The following ASPH variants were observed in gnomAD, a reference collection of about 807,000 sequenced individuals.
ASPH encodes aspartyl/asparaginyl beta-hydroxylase.
Under a neutral mutation model 118.4 loss-of-function variants are expected in ASPH, and 100 were observed. The observed-to-expected ratio is 0.84, with a 90% CI of 0.72 to 1.00. The LOEUF is 1.00. ASPH is among the 50% of genes least tolerant of loss of function. The pLI, the probability that ASPH is intolerant of heterozygous loss-of-function variation, is 0.00. For synonymous variants in ASPH, 315 were observed against 325.6 expected (o/e 0.97, Z 0.35); for missense variants, 920 against 919.5 (o/e 1.00, Z -0.01).
chr8:61,568,609 A>C (rs1192270846), intron 16 of ASPH, among the ~76,000 whole-genome samples: 1 of 152,180 alleles, frequency 6.6e-6, no homozygotes, highest in Middle Eastern at 3.2e-3. Flanking sequence ...GGGAGGTCAG[A>C]GTAAGAGAAG....
intron 14 of ASPH, among the ~76,000 whole-genome samples, chr8:61,604,363 G>GA (rs1296484055): frequency 2.6e-5 from 4 of 151,508 alleles, no homozygotes; most frequent in Admixed American, 6.6e-5. Flanking sequence ...TTTTAGGGAG[G>GA]AAAAAAAGAC....
chr8:61,664,618 T>G (rs1588899426), intron 3 of ASPH: 2 of 978,926 alleles, frequency 2.0e-6, no homozygotes, highest in Admixed American at 6.5e-5. Context: ...AGGTGAGGAG[T>G]GAAGGAAAGG....
chr8:61,512,611 T>A (rs1399432485), intron 24 of ASPH, among the ~76,000 whole-genome samples: 1 of 152,204 alleles, frequency 6.6e-6, no homozygotes, highest in Non-Finnish European at 1.5e-5. Context: ...TAATTTGTTG[T>A]GGCAGCCTTA....
At chr8:61,641,840 T>C (rs1805269429) in intron 10 of ASPH, among the ~76,000 whole-genome samples, 1 of 152,216 alleles carries the variant, frequency 6.6e-6, no homozygotes, top group Non-Finnish European at 1.5e-5. Flanking sequence ...TCAATTACGA[T>C]GTATTTCTTC....
At chr8:61,526,251 C>T in intron 21 of ASPH, 139 bp from the exon 22 acceptor site, 1 of 1,207,768 alleles carries the variant, frequency 8.3e-7, no homozygotes, top group Non-Finnish European at 1.1e-6. Context: ...TTTCAATTTC[C>T]TCTGGGACTT....
Position 61,629,096 on chromosome 8 carries a change from AC to A in ASPH, c.934+4586del, listed in dbSNP as rs139784617. On this transcript the variant is annotated intron_variant, in intron 13 of 24. Transcript: ENST00000379454. ...TTCTGGATGGATGCAATGGAGTGAA[AC>A]CACTACCAATGCTGGAATACTCAGC... is the stretch of plus-strand genomic sequence containing the variant. Among the ~76,000 whole-genome samples the A allele has an allele frequency of 2.0e-3, 306 of 152,248 alleles. 1 individual carries two copies. Among genetic ancestry groups the A allele is most frequent in the African/African-American group, 6.9e-3 (288 of 41,554 alleles).
intron 15 of ASPH, among the ~76,000 whole-genome samples, chr8:61,577,779 GA>G (rs1835861140): frequency 6.6e-6 from 1 of 152,136 alleles, no homozygotes; most frequent in Non-Finnish European, 1.5e-5. Context: ...CGGCATGGGG[GA>G]AACTGCCCCC....
At chr8:61,707,760 G>A (rs1449601628) in intron 1 of ASPH, among the ~76,000 whole-genome samples, 1 of 152,030 alleles carries the variant, frequency 6.6e-6, no homozygotes, top group Non-Finnish European at 1.5e-5. Flanking sequence ...TAAAGAACTG[G>A]AGTTTGGAGG....
At chr8:61,523,968 T>G (rs1220006060) in intron 22 of ASPH, among the ~76,000 whole-genome samples, 1 of 152,180 alleles carries the variant, frequency 6.6e-6, no homozygotes, top group African/African-American at 2.4e-5. Context: ...GACGCACACA[T>G]GTAGTCCTAG....
chr8:61,503,460 C>T lies in ASPH; in HGVS notation c.2176G>A (p.Glu726Lys), dbSNP rs1338898133. 10 of 1,612,948 alleles carry T rather than the reference C, an allele frequency of 6.2e-6. No homozygotes were observed. In the East Asian group the frequency reaches 8.9e-5, roughly 14 times the overall value. ...AAAGATGAGGCATCCTGCCATACCTCGTGCTCAAAGGAGTCATCAAAGATG... is the reference window on the plus strand; with the variant it reads ...AAAGATGAGGCATCCTGCCATACCTTGTGCTCAAAGGAGTCATCAAAGATG... The part of the protein sequence containing the change: ...VLIFDDSFEH[E>K]VWQDASSFRL... The change falls in exon 25 of 25, where the codon GAG (glutamate) becomes AAG (lysine). Residue 726 changes from glutamate to lysine, a missense_variant. By Grantham distance (56) the Glu-to-Lys change is moderately conservative. Coordinates refer to ENST00000379454, the MANE Select transcript of ASPH (RefSeq NM_004318.4).
At chr8:61,624,787 T>TA (rs1022362917) in intron 13 of ASPH, 6 of 985,600 alleles carry the variant, frequency 6.1e-6, no homozygotes, top group South Asian at 9.4e-5. Flanking sequence ...TTAGTTTCCC[T>TA]AAAAAAATAT....
At chr8:61,635,960 A>G (rs1211530569) in intron 12 of ASPH, among the ~76,000 whole-genome samples, 2 of 152,226 alleles carry the variant, frequency 1.3e-5, no homozygotes, top group South Asian at 2.1e-4. Context: ...AAGAATTTTC[A>G]TAATTCACAC....
chr8:61,701,613 A>G (rs1407799050), intron 1 of ASPH, among the ~76,000 whole-genome samples: 1 of 152,218 alleles, frequency 6.6e-6, no homozygotes, highest in Non-Finnish European at 1.5e-5. Context: ...GTCTCCAGGT[A>G]TATTTACTGG....
At chr8:61,517,966 T>C (rs1474438582) in intron 23 of ASPH, 66 bp downstream of exon 23, 1 of 1,460,342 alleles carries the variant, frequency 6.8e-7, no homozygotes, top group Non-Finnish European at 9.4e-7. Context: ...CATTTCTTTG[T>C]AAAGGTCAAC....
chr8:61,519,820 C>T (rs1812307112), intron 22 of ASPH, among the ~76,000 whole-genome samples: 1 of 152,118 alleles, frequency 6.6e-6, no homozygotes, highest in Non-Finnish European at 1.5e-5. Context: ...GGGAATACAG[C>T]CCTGGTGACA....
chr8:61,585,495 G>A (rs1357686732), intron 14 of ASPH, among the ~76,000 whole-genome samples: 1 of 152,194 alleles, frequency 6.6e-6, no homozygotes, highest in African/African-American at 2.4e-5. Context: ...AAGACGGGCT[G>A]TTCTTTCTAA....
At chr8:61,638,183 G>A in intron 11 of ASPH, 139 bp downstream of exon 11, 2 of 1,210,796 alleles carry the variant, frequency 1.7e-6, no homozygotes, top group Non-Finnish European at 2.3e-6. Flanking sequence ...CTTTAATTTT[G>A]ATACTCAATT....
intron 1 of ASPH, chr8:61,689,732 A>G (rs1329572568): frequency 6.4e-7 from 1 of 1,551,542 alleles, no homozygotes; most frequent in African/African-American, 1.4e-5. Context: ...AAAGTAAAAC[A>G]AAACAAAAAA....
intron 13 of ASPH, chr8:61,626,427 G>T: frequency 8.4e-7 from 1 of 1,194,900 alleles, no homozygotes; most frequent in Non-Finnish European, 1.1e-6. Flanking sequence ...CTTGGTAACA[G>T]AATAATCAAC....
Sources: gnomAD v4.1 joint callset for allele counts (sites outside exome capture counted in the v4.1 genomes callset) on GRCh38, gnomAD v4.1.1 for gene constraint, MANE v1.5 for transcripts, NCBI Gene and HGNC (gene_info 2026-07-23, HGNC 2026-07-21) for gene names.